The following L1TD1 variants were observed in gnomAD, a reference collection of about 807,000 sequenced individuals.
L1TD1 encodes the protein LINE-1 type transposase domain-containing protein 1.
Under a neutral mutation model 25.7 loss-of-function variants are expected in L1TD1, and 26 were observed. The observed-to-expected ratio is 1.01, with a 90% CI of 0.74 to 1.40. The LOEUF (loss-of-function observed/expected upper bound fraction) is 1.40, where lower values mean the gene tolerates loss of function less well. Among genes scored for constraint, L1TD1 ranks in the 40% most tolerant of loss-of-function variants. The probability of loss-of-function intolerance (pLI) is 0.00; values close to 1 mark genes in which losing one functional copy is unlikely to be tolerated. For missense variants in L1TD1, 1,130 were observed against 975.0 expected (o/e 1.16, Z -2.12); for synonymous variants, 421 against 335.6 (o/e 1.25, Z -2.78).
chr1:62,198,497 C>T (rs1009891647), intron 2 of L1TD1, among the ~76,000 whole-genome samples: 25 of 148,966 alleles, frequency 1.7e-4, no homozygotes, highest in Non-Finnish European at 3.4e-4. Context: ...CCAGCAAATT[C>T]AGAAAAACAC....
chr1:62,207,459 G>C lies in L1TD1; in HGVS notation c.831G>C (p.Leu277=), dbSNP rs774671107. ...LRENDFEPKF[L]CEVKLAFKCD... ...AAAATGATTTTGAACCTAAATTTCT[G>C]TGTGAAGTTAAATTAGCATTTAAAT... Residue 277 remains leucine, a synonymous_variant, in exon 3 of 4, where the codon CTG becomes CTC. Coordinates refer to ENST00000498273, the MANE Select transcript of L1TD1 (RefSeq NM_019079.5). 1 of 1,551,132 alleles carries C rather than the reference G, an allele frequency of 6.4e-7. No individual in the cohort carries two copies. The highest frequency in any genetic ancestry group is 1.2e-5 in the South Asian group (1 of 83,986).
intron 2 of L1TD1, among the ~76,000 whole-genome samples, chr1:62,198,051 A>G (rs1450627683): frequency 6.6e-6 from 1 of 152,120 alleles, no homozygotes; most frequent in East Asian, 1.9e-4. Context: ...GAAAAAAAGA[A>G]AATAGTGTTA....
At chr1:62,200,153 GTA>G (rs759033414) in intron 2 of L1TD1, among the ~76,000 whole-genome samples, 27 of 151,830 alleles carry the variant, frequency 1.8e-4, no homozygotes, top group African/African-American at 6.3e-4. Flanking sequence ...ATAACATGGT[GTA>G]TATATATATA....
In L1TD1 at chr1:62,207,165, C is replaced by T; in HGVS notation, c.537C>T (p.Cys179=). The change falls in exon 3 of 4, where the codon TGC becomes TGT. Residue 179 remains cysteine (C), a synonymous_variant. Coordinates refer to ENST00000498273, the MANE Select transcript of L1TD1 (RefSeq NM_019079.5). The part of the protein sequence containing the change: ...EVMGSMEETL[C]NIDDRDGNRN... ...TGGGAAGTATGGAAGAAACCTTATGCAATATAGATGACAGAGATGGAAATC... is the reference window on the plus strand; with the variant it reads ...TGGGAAGTATGGAAGAAACCTTATGTAATATAGATGACAGAGATGGAAATC... The T allele has an allele frequency of 1.3e-6, 2 of 1,557,494 alleles. No individual in the cohort carries two copies. Among genetic ancestry groups the T allele is most frequent in the Non-Finnish European group, 1.7e-6 (2 of 1,149,752 alleles).
chr1:62,196,755 G>A (rs1421666994), intron 2 of L1TD1, among the ~76,000 whole-genome samples: 1 of 152,048 alleles, frequency 6.6e-6, no homozygotes, highest in African/African-American at 2.4e-5. Flanking sequence ...ATTATACCCG[G>A]CTAATTTTTG....
chr1:62,210,317 G>A lies in L1TD1; in HGVS notation c.1543G>A (p.Val515Ile). 1.9e-6 allele frequency: 3 copies of A among 1,614,110 alleles called. No individual in the cohort carries two copies. Among genetic ancestry groups the A allele is most frequent in the Non-Finnish European group, 2.5e-6 (3 of 1,180,026 alleles). ...RQKEIPFSYL[V>I]GDSGKKKLVK... ...AAAAGAAATTCCCTTTAGTTATTTG[G>A]TTGGGGACTCTGGGAAGAAAAAGTT... The change falls in exon 4 of 4, where the codon GTT becomes ATT. Residue 515 changes from valine to isoleucine, a missense_variant. By Grantham distance (29) the Val-to-Ile change is conservative. Coordinates refer to ENST00000498273, the MANE Select transcript of L1TD1 (RefSeq NM_019079.5).
Position 62,207,612 on chromosome 1 carries a change from A to C in L1TD1, c.984A>C (p.Arg328Ser). The change falls in exon 3 of 4, where the codon AGA becomes AGC. Residue 328 changes from arginine to serine, a missense_variant. By Grantham distance (110) the Arg-to-Ser change is moderately radical (BLOSUM62 -1). Transcript: ENST00000498273. ...AGGAAGAAATAAATCAAGGAGGAAGAAAATATGGAATTCAAGAAAAAAGGG... is the reference window on the plus strand; with the variant it reads ...AGGAAGAAATAAATCAAGGAGGAAGCAAATATGGAATTCAAGAAAAAAGGG... ...PQKEEINQGGRKYGIQEKRDK... is the reference protein window; with the variant it reads ...PQKEEINQGGSKYGIQEKRDK... 1 of 1,537,890 alleles carries C rather than the reference A, an allele frequency of 6.5e-7. No individual in the cohort carries two copies. The highest frequency in any genetic ancestry group is 8.8e-7 in the Non-Finnish European group (1 of 1,142,528).
chr1:62,202,849 A>T (rs1670669479), intron 2 of L1TD1, among the ~76,000 whole-genome samples: 1 of 151,826 alleles, frequency 6.6e-6, no homozygotes, highest in African/African-American at 2.4e-5. Flanking sequence ...ACGCCCAGCT[A>T]AATCTGTATT....
At position 62,207,558 on chromosome 1, in the gene L1TD1, A is replaced by G; in HGVS notation, c.930A>G (p.Lys310=). 6.4e-7 allele frequency: 1 copy of G among 1,551,188 alleles called. No homozygotes were observed. Among genetic ancestry groups the G allele is most frequent in the Non-Finnish European group, 8.7e-7 (1 of 1,146,862 alleles). ...TTGCCAGCCAAAAATCTTCTGTGAA[A>G]GAATTACTGAAAGATGTACTCCCAC... ...RKFASQKSSV[K]ELLKDVLPQK... is the part of the protein sequence containing the mutation. The change falls in exon 3 of 4, where the codon AAA becomes AAG. Residue 310 remains lysine, a synonymous_variant. Transcript: ENST00000498273.
In L1TD1 at chr1:62,209,855, AAAG is replaced by A. The variant is rs755179907; in HGVS notation, c.1085_1087del (p.Glu362del). The A allele has an allele frequency of 1.2e-6, 2 of 1,613,960 alleles. No homozygotes were observed. Among genetic ancestry groups the A allele is most frequent in the Admixed American group, 3.3e-5 (2 of 59,988 alleles). ...TGATGGCTTGAGCTTCCTATTTCTT[AAAG>A]AAGTAAAAGTTGCTAAGCCAGAGGA... On this transcript the variant is annotated inframe_deletion, in exon 4 of 4. Coordinates refer to ENST00000498273, the MANE Select transcript of L1TD1 (RefSeq NM_019079.5).
rs1353022157 is a variant in L1TD1, at chr1:62,210,341, T to C, written c.1567T>C (p.Leu523=). 6.2e-7 allele frequency: 1 copy of C among 1,613,800 alleles called. No individual in the cohort carries two copies. The highest frequency in any genetic ancestry group is 8.5e-7 in the Non-Finnish European group (1 of 1,179,982). ...GGTTGGGGACTCTGGGAAGAAAAAG[T>C]TGGTGAAACACCAGGTGGTGCACAA... is the stretch of plus-strand genomic sequence containing the variant. ...YLVGDSGKKK[L]VKHQVVHKTQ... The change falls in exon 4 of 4, where the codon TTG becomes CTG. Residue 523 remains leucine, a synonymous_variant. Coordinates refer to ENST00000498273, the MANE Select transcript of L1TD1 (RefSeq NM_019079.5).
At position 62,206,801 on chromosome 1, in the gene L1TD1, T is replaced by A; in HGVS notation, c.173T>A (p.Leu58Ter). ...GCAATTATGAATAAGTTTAAGGTCT[T>A]AATGGAAATTCAAGACCTGATGTTT... ...VSAIMNKFKV[L>*]MEIQDLMFEE... Residue 58 changes from leucine to a stop codon, truncating the protein, a stop_gained, in exon 3 of 4, where the codon TTA becomes TAA. Transcript: ENST00000498273. LOFTEE classifies it high-confidence loss of function. 6.3e-7 allele frequency: 1 copy of A among 1,588,726 alleles called. No homozygotes were observed. Among genetic ancestry groups the A allele is most frequent in the Non-Finnish European group, 8.6e-7 (1 of 1,165,512 alleles).
intron 2 of L1TD1, among the ~76,000 whole-genome samples, chr1:62,204,924 C>T (rs907230538): frequency 6.6e-6 from 1 of 151,900 alleles, no homozygotes; most frequent in African/African-American, 2.4e-5. Flanking sequence ...CTACAGTGCA[C>T]GCCACCACAC....
chr1:62,207,535 G>T lies in L1TD1; in HGVS notation c.907G>T (p.Ala303Ser). Residue 303 changes from alanine (A) to serine (S), a missense_variant, in exon 3 of 4, where the codon GCC becomes TCC. Coordinates refer to ENST00000498273, the MANE Select transcript of L1TD1 (RefSeq NM_019079.5). The part of the protein sequence containing the change: ...FSDLQSLRKF[A>S]SQKSSVKELL... ...AGATCTGCAAAGCCTTAGAAAATTTGCCAGCCAAAAATCTTCTGTGAAAGA... is the reference window on the plus strand; with the variant it reads ...AGATCTGCAAAGCCTTAGAAAATTTTCCAGCCAAAAATCTTCTGTGAAAGA... The T allele has an allele frequency of 1.3e-6, 2 of 1,551,230 alleles. No homozygotes were observed. Among genetic ancestry groups the T allele is most frequent in the Non-Finnish European group, 1.7e-6 (2 of 1,146,858 alleles).
At chr1:62,202,550 T>TC (rs1326555892) in intron 2 of L1TD1, among the ~76,000 whole-genome samples, 1 of 150,450 alleles carries the variant, frequency 6.6e-6, no homozygotes, top group Non-Finnish European at 1.5e-5. Flanking sequence ...TCTTTTCTTT[T>TC]TTTTTTTTTT....
At position 62,206,600 on chromosome 1, in the gene L1TD1, C is replaced by A; in HGVS notation, c.-29C>A. Reference sequence around the variant, plus strand: ...AAAATCATTCTGTAGGAATTAAAAACAGAATCCAGTCTTGACAACATATCC... The same window carrying A: ...AAAATCATTCTGTAGGAATTAAAAAAAGAATCCAGTCTTGACAACATATCC... On this transcript the variant is annotated 5_prime_UTR_variant, in exon 3 of 4. Coordinates refer to ENST00000498273, the MANE Select transcript of L1TD1 (RefSeq NM_019079.5). 1 of 1,415,044 alleles carries A rather than the reference C, an allele frequency of 7.1e-7. No homozygotes were observed. The highest frequency in any genetic ancestry group is 1.8e-5 in the South Asian group (1 of 55,202). The allele number at this position is 1,415,044 out of a possible 1,614,324, so 87.7% of individuals were successfully genotyped here. A position where few individuals can be genotyped will look rare whatever the true frequency, so the allele number is the denominator to read the frequency against.
chr1:62,207,304 G>A lies in L1TD1; in HGVS notation c.676G>A (p.Val226Ile), dbSNP rs186639207. The A allele has an allele frequency of 2.6e-6, 4 of 1,550,688 alleles. No homozygotes were observed. Among genetic ancestry groups the A allele is most frequent in the Admixed American group, 2.0e-5 (1 of 50,776 alleles). The change falls in exon 3 of 4, where the codon GTT (valine) becomes ATT (isoleucine). Residue 226 changes from valine to isoleucine, a missense_variant. Val to Ile is a conservative substitution (Grantham distance 29). Coordinates refer to ENST00000498273, the MANE Select transcript of L1TD1 (RefSeq NM_019079.5). ...TCAGAAATTGAAGAATAAAGAGGAGGTTTTAAAAGCCTCCAGAGAAGAAAA... is the reference window on the plus strand; with the variant it reads ...TCAGAAATTGAAGAATAAAGAGGAGATTTTAAAAGCCTCCAGAGAAGAAAA... ...KFQKLKNKEE[V>I]LKASREEKVL... is the part of the protein sequence containing the mutation.
At chr1:62,195,681 G>A (rs1259171410) in intron 1 of L1TD1, among the ~76,000 whole-genome samples, 2 of 152,212 alleles carry the variant, frequency 1.3e-5, no homozygotes, top group Non-Finnish European at 2.9e-5. Context: ...GAACCCGAGA[G>A]GCAGAGGTTG....
chr1:62,197,371 T>G (rs1317033999), intron 2 of L1TD1, among the ~76,000 whole-genome samples: 2 of 134,170 alleles, frequency 1.5e-5, no homozygotes, highest in Non-Finnish European at 1.6e-5. Flanking sequence ...TGGGCAAGAG[T>G]GAGACGCCCT....
Sources: allele counts gnomAD v4.1 joint callset (sites outside exome capture counted in the v4.1 genomes callset), GRCh38; gene constraint gnomAD v4.1.1; transcripts MANE v1.5; gene names NCBI Gene and HGNC (gene_info 2026-07-23, HGNC 2026-07-21).